ZNF609: variants seen among roughly 807,000 people sequenced by gnomAD.
The protein encoded by ZNF609 is zinc finger protein 609.
ZNF609 carries 11 observed loss-of-function variants against 109.5 expected under a neutral mutation model. The observed-to-expected ratio is 0.10, with a 90% CI of 0.06 to 0.17. The LOEUF is 0.17. Ranked by LOEUF, ZNF609 falls within the 10% of genes least tolerant of loss-of-function variation. The pLI, the probability that ZNF609 is intolerant of heterozygous loss-of-function variation, is 1.00. For synonymous variants in ZNF609, 646 were observed against 662.0 expected (o/e 0.98, Z 0.37); for missense variants, 1,559 against 1,772.4 (o/e 0.88, Z 2.16).
Position 64,683,945 on chromosome 15 carries a change from G to C in ZNF609, c.*2259G>C, listed in dbSNP as rs2083226430. ...CTTCTGTATTAGCTGGGCAGCCTTG[G>C]GTTCTCCAGAAGAGAACAGGTTTTT... On this transcript the variant is annotated 3_prime_UTR_variant, in exon 10 of 10. Transcript: ENST00000326648. 1 of 152,102 alleles carries C rather than the reference G, an allele frequency of 6.6e-6. No individual in the cohort carries two copies. Among genetic ancestry groups the C allele is most frequent in the Admixed American group, 6.5e-5 (1 of 15,278 alleles). The allele number at this position is 152,102 out of a possible 1,614,324, so 9.4% of individuals were successfully genotyped here.
chr15:64,616,972 C>T (rs548794205), intron 2 of ZNF609, among the ~76,000 whole-genome samples: 167 of 151,664 alleles, frequency 1.1e-3, no homozygotes, highest in Non-Finnish European at 2.1e-3. Flanking sequence ...CCATGCCCGG[C>T]TAATTTTTTA....
chr15:64,623,628 C>T (rs1895911108), intron 3 of ZNF609, among the ~76,000 whole-genome samples: 1 of 152,106 alleles, frequency 6.6e-6, no homozygotes, highest in Non-Finnish European at 1.5e-5. Context: ...TTCAGGCATC[C>T]ACTAAGCAGT....
chr15:64,640,609 G>A (rs1896239945), intron 3 of ZNF609, among the ~76,000 whole-genome samples: 1 of 152,202 alleles, frequency 6.6e-6, no homozygotes, highest in African/African-American at 2.4e-5. Flanking sequence ...AGGTCATAAA[G>A]CAGTAAAGCT....
Position 64,641,223 on chromosome 15 carries a change from T to TTTTTTTTTTTTC in ZNF609, c.973+18182_973+18183insCTTTTTTTTTTT, listed in dbSNP as rs1896251016. On this transcript the variant is annotated intron_variant, in intron 3 of 9. Coordinates refer to ENST00000326648, the MANE Select transcript of ZNF609 (RefSeq NM_015042.2). Reference sequence around the variant, plus strand: ...TGTTAGTTACACTTGTGCTTTCTTTTTTTTTTTTTTTGAGATGGAGTTTCG... The same window carrying TTTTTTTTTTTTC: ...TGTTAGTTACACTTGTGCTTTCTTTTTTTTTTTTTTTCTTTTTTTTTTTGAGATGGAGTTTCG... Among the ~76,000 whole-genome samples the TTTTTTTTTTTTC allele has an allele frequency of 1.8e-5, 2 of 110,788 alleles. 1 individual carries two copies. Among genetic ancestry groups the TTTTTTTTTTTTC allele is most frequent in the East Asian group, 5.6e-4 (2 of 3,540 alleles). 72.7% of individuals were successfully genotyped at this position (110,788 alleles called of 152,430 possible).
At chr15:64,469,046 A>AAC (rs1451998098) in intron 1 of ZNF609, among the ~76,000 whole-genome samples, 6 of 140,344 alleles carry the variant, frequency 4.3e-5, no homozygotes, top group East Asian at 4.1e-4. Context: ...TAAAAAAAAA[A>AAC]AAAAAAAAAA....
chr15:64,555,902 A>G (rs1894576247), intron 2 of ZNF609, among the ~76,000 whole-genome samples: 2 of 151,280 alleles, frequency 1.3e-5, no homozygotes, highest in African/African-American at 4.8e-5. Flanking sequence ...AAAAAAAAAA[A>G]AAAAAAAAAG....
At chr15:64,649,097 C>T (rs1896377514) in intron 3 of ZNF609, among the ~76,000 whole-genome samples, 1 of 151,526 alleles carries the variant, frequency 6.6e-6, no homozygotes, top group African/African-American at 2.4e-5. Flanking sequence ...AAATGTAAGC[C>T]CAATGAAGTC....
At chr15:64,525,083 C>A (rs1893951381) in intron 2 of ZNF609, among the ~76,000 whole-genome samples, 1 of 152,140 alleles carries the variant, frequency 6.6e-6, no homozygotes, top group Admixed American at 6.5e-5. Flanking sequence ...TTCAGAACAT[C>A]TTTTCATGTG....
intron 1 of ZNF609, among the ~76,000 whole-genome samples, chr15:64,488,953 C>A (rs1893371317): frequency 6.7e-6 from 1 of 149,736 alleles, no homozygotes. Context: ...AAACAATTAG[C>A]CGGGTATGGT....
intron 1 of ZNF609, among the ~76,000 whole-genome samples, chr15:64,471,671 C>T (rs1893092878): frequency 6.6e-6 from 1 of 152,104 alleles, no homozygotes; most frequent in Non-Finnish European, 1.5e-5. Flanking sequence ...GCAACTTCCG[C>T]CTCCCGGTTT....
At chr15:64,509,902 C>T (rs1295639947) in intron 2 of ZNF609, among the ~76,000 whole-genome samples, 1 of 152,182 alleles carries the variant, frequency 6.6e-6, no homozygotes, top group Admixed American at 6.5e-5. Context: ...CCAGAACAGT[C>T]AAGAGAAGAA....
At chr15:64,517,891 C>G (rs1893837081) in intron 2 of ZNF609, among the ~76,000 whole-genome samples, 1 of 151,974 alleles carries the variant, frequency 6.6e-6, no homozygotes, top group Non-Finnish European at 1.5e-5. Flanking sequence ...GTGATCCTCC[C>G]AACTCAGCCT....
Position 64,675,203 on chromosome 15 carries a change from C to T in ZNF609, c.2349C>T (p.Ser783=). Residue 783 remains serine (S), a synonymous_variant, in exon 5 of 10, where the codon AGC becomes AGT. Coordinates refer to ENST00000326648, the MANE Select transcript of ZNF609 (RefSeq NM_015042.2). The part of the protein sequence containing the change: ...LLNGSSDPHQ[S]RLASIKAEAD... ...ATGGCTCATCAGACCCCCACCAAAG[C>T]CGACTGGCTAGCATCAAGGCTGAAG... 6.2e-7 allele frequency: 1 copy of T among 1,614,110 alleles called. No individual in the cohort carries two copies. Among genetic ancestry groups the T allele is most frequent in the Non-Finnish European group, 8.5e-7 (1 of 1,180,048 alleles).
upstream of ZNF609, among the ~76,000 whole-genome samples, chr15:64,460,433 GAGCGCGCATTCCGAGACCCAGGA>G (rs1892919110): frequency 2.6e-5 from 4 of 152,164 alleles, no homozygotes; most frequent in South Asian, 8.3e-4. Flanking sequence ...GGCTCCGGGT[GAGCGCGCATTCCGAGACCCAGGA>G]TTTCGCTCCT....
At chr15:64,630,091 C>CTTTTTTTTTTTTTTTTTTTTTTT (rs200425813) in intron 3 of ZNF609, among the ~76,000 whole-genome samples, 1 of 143,060 alleles carries the variant, frequency 7.0e-6, no homozygotes, top group African/African-American at 2.7e-5. Flanking sequence ...TCCTAATTTT[C>CTTTTTTTTTTTTTTTTTTTTTTT]TTTTTTCTTT....
intron 2 of ZNF609, among the ~76,000 whole-genome samples, chr15:64,513,711 A>G (rs914675551): frequency 2.0e-5 from 3 of 152,216 alleles, no homozygotes; most frequent in African/African-American, 7.2e-5. Flanking sequence ...TTAATGAAAA[A>G]TATGTATTTG....
intron 2 of ZNF609, among the ~76,000 whole-genome samples, chr15:64,547,277 T>C (rs1209073165): frequency 6.6e-6 from 1 of 152,192 alleles, no homozygotes; most frequent in Non-Finnish European, 1.5e-5. Flanking sequence ...ATGGTGTTAA[T>C]ATTGGACTTA....
intron 2 of ZNF609, among the ~76,000 whole-genome samples, chr15:64,535,984 T>C (rs922707540): frequency 2.6e-5 from 4 of 152,086 alleles, no homozygotes; most frequent in Non-Finnish European, 4.4e-5. Context: ...TTATTTTCAT[T>C]AATTTTTTTC....
At chr15:64,638,768 G>A (rs574374157) in intron 3 of ZNF609, among the ~76,000 whole-genome samples, 21 of 152,226 alleles carry the variant, frequency 1.4e-4, no homozygotes, top group African/African-American at 4.6e-4. Context: ...GGTTGCAAGC[G>A]CCTGTGGTCT....
Sources: gnomAD v4.1 joint callset for allele counts (sites outside exome capture counted in the v4.1 genomes callset) on GRCh38, gnomAD v4.1.1 for gene constraint, MANE v1.5 for transcripts, NCBI Gene and HGNC (gene_info 2026-07-23, HGNC 2026-07-21) for gene names.